TVP23A: variants seen among roughly 807,000 people sequenced by gnomAD.
TVP23A encodes the protein trans-golgi network vesicle protein 23 homolog A.
TVP23A carries 21 observed loss-of-function variants against 31.7 expected under a neutral mutation model. The observed-to-expected ratio is 0.66, with a 90% confidence interval of 0.47 to 0.95. TVP23A has a LOEUF of 0.95. Among genes scored for constraint, TVP23A ranks in the 40% least tolerant of loss-of-function variants. TVP23A has a pLI of 0.00. For missense variants in TVP23A, 279 were observed against 255.6 expected, an observed-to-expected ratio of 1.09 and a Z score of -0.62; for synonymous variants, 104 against 96.0, an observed-to-expected ratio of 1.08 and a Z score of -0.49.
downstream of TVP23A, among the ~76,000 whole-genome samples, chr16:10,759,606 T>C (rs889942364): frequency 6.6e-6 from 1 of 152,090 alleles, no homozygotes; most frequent in Admixed American, 6.5e-5. The surrounding 1 kb of genome is among the most constrained non-coding windows in gnomAD (Gnocchi z 4.7). Context: ...AAACCCTGTC[T>C]CTACCAAAAA....
At chr16:10,798,855 G>C (rs1475823158) in intron 2 of TVP23A, among the ~76,000 whole-genome samples, 1 of 151,872 alleles carries the variant, frequency 6.6e-6, no homozygotes, top group South Asian at 2.1e-4. Flanking sequence ...GAAGAGATGG[G>C]GTTTCACCAT....
chr16:10,798,150 C>T (rs1042308950), intron 2 of TVP23A, among the ~76,000 whole-genome samples: 2 of 151,228 alleles, frequency 1.3e-5, no homozygotes, highest in Non-Finnish European at 3.0e-5. Flanking sequence ...TTAGTAGAGA[C>T]GGGTTTCACC....
At chr16:10,811,900 T>C (rs1047124769) in intron 2 of TVP23A, among the ~76,000 whole-genome samples, 1 of 113,638 alleles carries the variant, frequency 8.8e-6, no homozygotes, top group African/African-American at 3.6e-5. Flanking sequence ...CAAGACTCCG[T>C]CTCAAAAAAA....
intron 2 of TVP23A, among the ~76,000 whole-genome samples, chr16:10,780,936 C>G (rs1373248230): frequency 6.6e-6 from 1 of 152,056 alleles, no homozygotes; most frequent in African/African-American, 2.4e-5. Flanking sequence ...CTCCTGGGCC[C>G]CTCACATTCC....
intron 7 of TVP23A, 94 bp from the exon 8 acceptor site, chr16:10,769,195 G>A (rs1025036731): frequency 1.7e-6 from 2 of 1,182,288 alleles, no homozygotes; most frequent in South Asian, 1.3e-5. Context: ...CCGGGATGGG[G>A]TGGGTCACAG....
At chr16:10,803,905 A>G (rs1212823864) in intron 2 of TVP23A, among the ~76,000 whole-genome samples, 1 of 152,250 alleles carries the variant, frequency 6.6e-6, no homozygotes, top group Admixed American at 6.5e-5. Context: ...TGATGGGTGC[A>G]CAACCTTGTA....
downstream of TVP23A, among the ~76,000 whole-genome samples, chr16:10,760,301 C>T (rs74007540): frequency 0.044 from 6,729 of 152,280 alleles, 514 homozygotes; most frequent in African/African-American, 0.15. Flanking sequence ...CCTAGAGGGA[C>T]GGGCATGGCT....
At chr16:10,809,412 T>G (rs1330128629) in intron 2 of TVP23A, among the ~76,000 whole-genome samples, 3 of 152,176 alleles carry the variant, frequency 2.0e-5, no homozygotes, top group African/African-American at 7.2e-5. Context: ...AGGGACTGAG[T>G]TGGCCAGCAG....
At position 10,770,307 on chromosome 16, in the gene TVP23A, G is replaced by C; in HGVS notation, c.607C>G (p.Pro203Ala). The C allele has an allele frequency of 6.4e-7, 1 of 1,551,182 alleles. No individual in the cohort carries two copies. The highest frequency in any genetic ancestry group is 2.5e-5 in the East Asian group (1 of 40,756). ...QTACPGDFQK[P>A]GLEGLEIHQH is the part of the protein sequence containing the mutation. ...TGAATCTCCAGCCCCTCGAGGCCAGGCTTCTGAAAGTCACCTGGGCAGGCC... is the reference window on the plus strand; with the variant it reads ...TGAATCTCCAGCCCCTCGAGGCCAGCCTTCTGAAAGTCACCTGGGCAGGCC... The change falls in exon 7 of 8, where the codon CCT (proline) becomes GCT (alanine). Residue 203 changes from proline (P) to alanine (A), a missense_variant. Transcript: ENST00000299866.
chr16:10,818,151 A>T lies in TVP23A; in HGVS notation c.41T>A (p.Leu14Gln). The stretch of plus-strand genomic sequence containing the variant: ...CAGCTCCTCCTCGTTTCCAAAGTCC[A>T]GGGACACATCCTCGGTATCGTCCAC... ...ALVDDTEDVSLDFGNEEELAF... is the reference protein window; with the variant it reads ...ALVDDTEDVSQDFGNEEELAF... Residue 14 changes from leucine to glutamine, a missense_variant, in exon 2 of 8, where the codon CTG (leucine) becomes CAG (glutamine). Leu to Gln is a moderately radical substitution (Grantham distance 113). Transcript: ENST00000299866. The surrounding 1 kb of genome is among the most constrained non-coding windows in gnomAD (Gnocchi z 4.7). 6.2e-7 allele frequency: 1 copy of T among 1,609,066 alleles called. No individual in the cohort carries two copies. The highest frequency in any genetic ancestry group is 8.5e-7 in the Non-Finnish European group (1 of 1,177,902).
At chr16:10,808,025 TTGAAG>T (rs2034023898) in intron 2 of TVP23A, among the ~76,000 whole-genome samples, 1 of 152,204 alleles carries the variant, frequency 6.6e-6, no homozygotes, top group Non-Finnish European at 1.5e-5. Context: ...AATCCCTTCC[TTGAAG>T]TGAACAGGTG....
intron 2 of TVP23A, among the ~76,000 whole-genome samples, chr16:10,809,519 C>T (rs991601694): frequency 1.3e-5 from 2 of 152,226 alleles, no homozygotes; most frequent in African/African-American, 4.8e-5. Flanking sequence ...CTTTGGCTCT[C>T]GCCTGTGGCA....
chr16:10,761,935 C>T (rs141247386), downstream of TVP23A: 582 of 1,166,690 alleles, frequency 5.0e-4, 3 homozygotes, highest in African/African-American at 5.3e-3. Context: ...CAACAGGGGG[C>T]GGCTACAGAG....
intron 2 of TVP23A, among the ~76,000 whole-genome samples, chr16:10,814,891 T>C (rs991482596): frequency 1.3e-5 from 2 of 149,774 alleles, no homozygotes; most frequent in South Asian, 2.1e-4. Flanking sequence ...CTGGCCCCGA[T>C]CTCCACGCAG....
At chr16:10,797,918 T>A (rs974398598) in intron 2 of TVP23A, among the ~76,000 whole-genome samples, 6 of 151,906 alleles carry the variant, frequency 3.9e-5, no homozygotes, top group Non-Finnish European at 7.4e-5. Flanking sequence ...CTATTTTGTA[T>A]GTTTGGAATT....
intron 2 of TVP23A, among the ~76,000 whole-genome samples, chr16:10,790,941 G>C (rs1008752072): frequency 6.6e-6 from 1 of 152,078 alleles, no homozygotes; most frequent in Non-Finnish European, 1.5e-5. Flanking sequence ...AGGGTAGAAC[G>C]AGGCATGTCT....
chr16:10,809,620 G>A (rs1433588629), intron 2 of TVP23A, among the ~76,000 whole-genome samples: 5 of 152,246 alleles, frequency 3.3e-5, no homozygotes, highest in African/African-American at 9.6e-5. Flanking sequence ...CCCTACCTCT[G>A]TCTTCCTATA....
rs1241968706 is a variant in TVP23A, at chr16:10,774,077, C to T, written c.286G>A (p.Glu96Lys). The part of the protein sequence containing the change: ...VGLRWWNQID[E>K]DGKSHWIFEA... ...AAGATCCAGTGGCTCTTCCCATCTTCATCTATCTGGTTCCACCATCGAAGG... is the reference window on the plus strand; with the variant it reads ...AAGATCCAGTGGCTCTTCCCATCTTTATCTATCTGGTTCCACCATCGAAGG... Residue 96 changes from glutamate (E) to lysine (K), a missense_variant, in exon 4 of 8, where the codon GAA becomes AAA. Coordinates refer to ENST00000299866, the MANE Select transcript of TVP23A (RefSeq NM_001079512.4). The T allele has an allele frequency of 3.1e-6, 5 of 1,612,104 alleles. No individual in the cohort carries two copies. The highest frequency in any genetic ancestry group is 2.5e-6 in the Non-Finnish European group (3 of 1,179,204).
intron 2 of TVP23A, among the ~76,000 whole-genome samples, chr16:10,815,161 G>A (rs2034381348): frequency 7.4e-6 from 1 of 135,692 alleles, no homozygotes; most frequent in African/African-American, 3.7e-5. Context: ...GGAGGCTGAA[G>A]TAGGTAGGTA....
Sources: gnomAD v4.1 joint callset for allele counts (sites outside exome capture counted in the v4.1 genomes callset) on GRCh38, gnomAD v4.1.1 for gene constraint, Gnocchi (gnomAD v3.1) non-coding constraint, MANE v1.5 for transcripts, NCBI Gene and HGNC (gene_info 2026-07-23, HGNC 2026-07-21) for gene names.